Variants in CYSTM1 observed in about 807,000 individuals in gnomAD.
CYSTM1 encodes cysteine-rich transmembrane module-containing protein 1.
CYSTM1 carries 4 observed loss-of-function variants against 13.1 expected under a neutral mutation model. The observed-to-expected ratio is 0.31, with a 90% CI of 0.15 to 0.70. The LOEUF (loss-of-function observed/expected upper bound fraction) is 0.70, where lower values mean the gene tolerates loss of function less well. Ranked by LOEUF, CYSTM1 falls within the 30% of genes least tolerant of loss-of-function variation. CYSTM1 has a pLI of 0.72. For synonymous variants in CYSTM1, 36 were observed against 42.7 expected, an observed-to-expected ratio of 0.84 and a Z score of 0.62; for missense variants, 96 against 121.6, an observed-to-expected ratio of 0.79 and a Z score of 0.99.
chr5:140,205,853 GA>G (rs1325424441), intron 2 of CYSTM1, among the ~76,000 whole-genome samples: 23 of 152,104 alleles, frequency 1.5e-4, no homozygotes, highest in Middle Eastern at 6.8e-3. Flanking sequence ...CTGGCCTGAG[GA>G]AACTGGGACA....
chr5:140,198,909 A>G (rs1764185590), intron 2 of CYSTM1, among the ~76,000 whole-genome samples: 1 of 152,048 alleles, frequency 6.6e-6, no homozygotes, highest in East Asian at 1.9e-4. Context: ...GGTTTGCTGC[A>G]CCCGTCATCT....
intron 2 of CYSTM1, among the ~76,000 whole-genome samples, chr5:140,204,865 A>G (rs1434711353): frequency 6.6e-6 from 1 of 152,174 alleles, no homozygotes; most frequent in African/African-American, 2.4e-5. Flanking sequence ...TTGTGAGTTC[A>G]TGTTCAGTGT....
At chr5:140,201,241 A>T (rs543688126) in intron 2 of CYSTM1, 2 of 152,328 alleles carry the variant, frequency 1.3e-5, no homozygotes, top group East Asian at 3.9e-4. Context: ...AGTCCACCAC[A>T]TTCTGCCCTT....
chr5:140,228,685 A>T, intron 2 of CYSTM1: 1 of 398,944 alleles, frequency 2.5e-6, no homozygotes, highest in Non-Finnish European at 4.4e-6. Flanking sequence ...GTCCCCTCTG[A>T]CTGGGTCTCT....
At chr5:140,233,077 C>T (rs966091759) in intron 2 of CYSTM1, among the ~76,000 whole-genome samples, 14 of 152,142 alleles carry the variant, frequency 9.2e-5, no homozygotes, top group African/African-American at 4.8e-5. Flanking sequence ...GGAAACTCTA[C>T]ATGCAACTCC....
chr5:140,234,309 G>A (rs368152554), intron 2 of CYSTM1, among the ~76,000 whole-genome samples: 3 of 152,296 alleles, frequency 2.0e-5, no homozygotes, highest in South Asian at 4.2e-4. Flanking sequence ...TTTGATCTAT[G>A]TGTCTGTTTG....
chr5:140,211,823 TG>T (rs1179724844), intron 2 of CYSTM1, among the ~76,000 whole-genome samples: 1 of 152,146 alleles, frequency 6.6e-6, no homozygotes, highest in African/African-American at 2.4e-5. Flanking sequence ...GGCGCACACC[TG>T]TAATCCCAGC....
chr5:140,215,949 TG>T (rs1466988951), intron 2 of CYSTM1, among the ~76,000 whole-genome samples: 1 of 152,138 alleles, frequency 6.6e-6, no homozygotes, highest in South Asian at 2.1e-4. Flanking sequence ...GAGACTAGCC[TG>T]GGCAATGTAG....
In CYSTM1 at chr5:140,175,208, G is replaced by C. The variant is rs982488725; in HGVS notation, c.-98G>C. ...TCCTCACTTGCTCTGAGACAGGTGC[G>C]GCAAGTCTACTGCGGGCTGGTCCGG... On this transcript the variant is annotated 5_prime_UTR_variant, in exon 1 of 3. Coordinates refer to ENST00000261811, the MANE Select transcript of CYSTM1 (RefSeq NM_032412.4). The surrounding 1 kb of genome is among the most constrained non-coding windows in gnomAD (Gnocchi z 4.9). The C allele has an allele frequency of 6.6e-6, 1 of 152,358 alleles. No homozygotes were observed. Among genetic ancestry groups the C allele is most frequent in the Non-Finnish European group, 1.5e-5 (1 of 68,162 alleles). 9.4% of individuals were successfully genotyped at this position (152,358 alleles called of 1,614,324 possible).
At chr5:140,183,176 G>T (rs898238203) in intron 1 of CYSTM1, among the ~76,000 whole-genome samples, 2 of 152,220 alleles carry the variant, frequency 1.3e-5, no homozygotes, top group Admixed American at 1.3e-4. Flanking sequence ...CCTGGCCTGG[G>T]AAGTGGCCTT....
Position 140,175,896 on chromosome 5 carries a change from G to T in CYSTM1, c.-21+611G>T, listed in dbSNP as rs1405287380. On this transcript the variant is annotated intron_variant, in intron 1 of 2. Transcript: ENST00000261811. The surrounding 1 kb of genome is among the most constrained non-coding windows in gnomAD (Gnocchi z 4.9). Reference sequence around the variant, plus strand: ...CGTGGATTGGGATCTGAGCGGACCTGTTGGAGGAAGTGAAATCTGAGCGGG... The same window carrying T: ...CGTGGATTGGGATCTGAGCGGACCTTTTGGAGGAAGTGAAATCTGAGCGGG... Among the ~76,000 whole-genome samples the T allele has an allele frequency of 6.6e-6, 1 of 152,204 alleles. No homozygotes were observed. The highest frequency in any genetic ancestry group is 1.5e-5 in the Non-Finnish European group (1 of 68,026).
At chr5:140,180,624 A>G (rs1464692075) in intron 1 of CYSTM1, among the ~76,000 whole-genome samples, 1 of 152,214 alleles carries the variant, frequency 6.6e-6, no homozygotes, top group Non-Finnish European at 1.5e-5. Context: ...TGATTCCTTT[A>G]TAGCTTTTAG....
chr5:140,197,972 T>A (rs753544581), intron 2 of CYSTM1, among the ~76,000 whole-genome samples: 22 of 152,198 alleles, frequency 1.4e-4, no homozygotes, highest in Non-Finnish European at 3.1e-4. Flanking sequence ...TGTCAGAGAT[T>A]GTAGCAAAAA....
intron 2 of CYSTM1, among the ~76,000 whole-genome samples, chr5:140,195,688 T>C (rs12717948): frequency 0.76 from 113,528 of 149,132 alleles, 43,537 homozygotes; most frequent in African/African-American, 0.82. Context: ...CCCTTGGCCT[T>C]CCAAAGTGCT....
At chr5:140,177,794 A>G (rs1763909154) in intron 1 of CYSTM1, among the ~76,000 whole-genome samples, 2 of 152,234 alleles carry the variant, frequency 1.3e-5, no homozygotes, top group African/African-American at 2.4e-5. Context: ...GCTGGAAATC[A>G]GATGTCTTGG....
chr5:140,213,056 A>G (rs535898568), intron 2 of CYSTM1, among the ~76,000 whole-genome samples: 3 of 142,728 alleles, frequency 2.1e-5, no homozygotes, highest in East Asian at 4.1e-4. Flanking sequence ...TTTTTTTTTT[A>G]AGTTAACCAT....
rs1764126804 is a variant in CYSTM1, at chr5:140,194,366, A to G, written c.-20-80A>G. The stretch of plus-strand genomic sequence containing the variant: ...GATACACCTTGAAGGTATTTTGTAA[A>G]TGATCTTATGGGTTAGGATTTTATT... On this transcript the variant is annotated intron_variant, in intron 1 of 2. Coordinates refer to ENST00000261811, the MANE Select transcript of CYSTM1 (RefSeq NM_032412.4). 4 of 1,341,984 alleles carry G rather than the reference A, an allele frequency of 3.0e-6. No homozygotes were observed. The South Asian group carries it at 6.2e-5, about 21-fold the overall frequency. The allele number at this position is 1,341,984 out of a possible 1,614,324, so 83.1% of individuals were successfully genotyped here.
chr5:140,220,216 G>C (rs898327193), intron 2 of CYSTM1, among the ~76,000 whole-genome samples: 5 of 152,150 alleles, frequency 3.3e-5, no homozygotes, highest in South Asian at 4.1e-4. Flanking sequence ...AACAGTTCAT[G>C]CATTAATCAC....
At chr5:140,181,419 A>G (rs1001180337) in intron 1 of CYSTM1, among the ~76,000 whole-genome samples, 2 of 152,146 alleles carry the variant, frequency 1.3e-5, no homozygotes, top group African/African-American at 4.8e-5. Context: ...AACTTTGTTG[A>G]ACTAATTTTT....
Sources: gnomAD v4.1 joint callset for allele counts (sites outside exome capture counted in the v4.1 genomes callset) on GRCh38, gnomAD v4.1.1 for gene constraint, Gnocchi (gnomAD v3.1) non-coding constraint, MANE v1.5 for transcripts, NCBI Gene and HGNC (gene_info 2026-07-23, HGNC 2026-07-21) for gene names.